The following BCL2L14 variants were observed in gnomAD, a reference collection of about 807,000 sequenced individuals.
BCL2L14 encodes BCL2 like 14.
In BCL2L14, 27 loss-of-function variants were observed where a neutral mutation model predicts 35.3. The observed-to-expected ratio is 0.76, with a 90% CI of 0.56 to 1.05. The LOEUF (loss-of-function observed/expected upper bound fraction) is 1.05, where lower values mean the gene tolerates loss of function less well. BCL2L14 is among the 50% of genes least tolerant of loss of function. The pLI, the probability that BCL2L14 is intolerant of heterozygous loss-of-function variation, is 0.00. For missense variants in BCL2L14, 377 were observed against 382.6 expected (o/e 0.99, Z 0.12); for synonymous variants, 139 against 145.9 (o/e 0.95, Z 0.34).
At chr12:12,076,838 T>C (rs574491074) in intron 1 of BCL2L14, among the ~76,000 whole-genome samples, 1 of 152,206 alleles carries the variant, frequency 6.6e-6, no homozygotes, top group African/African-American at 2.4e-5. Context: ...TCAGGGGAGA[T>C]ATTTCAGCTC....
chr12:12,073,508 A>T (rs1228701889), intron 1 of BCL2L14, among the ~76,000 whole-genome samples: 1 of 152,130 alleles, frequency 6.6e-6, no homozygotes, highest in Non-Finnish European at 1.5e-5. Flanking sequence ...AGCATTAGCA[A>T]GCTTGTTTCT....
At chr12:12,061,149 T>C (rs4763766) in intron 2 of BCL2L14, among the ~76,000 whole-genome samples, 125,084 of 127,402 alleles carry the variant, frequency 0.98, 61,470 homozygotes, top group East Asian at 1. Context: ...CTTATTAGAC[T>C]GAGACACTTT....
At chr12:12,071,497 G>A (rs1426613919) in intron 1 of BCL2L14, 2 of 152,150 alleles carry the variant, frequency 1.3e-5, no homozygotes, top group Admixed American at 1.3e-4. Flanking sequence ...CGTGGCCAGG[G>A]ACACCACTGC....
At chr12:12,065,325 C>G (rs1009470457) in intron 2 of BCL2L14, among the ~76,000 whole-genome samples, 2 of 152,076 alleles carry the variant, frequency 1.3e-5, no homozygotes, top group Non-Finnish European at 2.9e-5. Flanking sequence ...CACTTGAAGT[C>G]AGGAGTTTGA....
intron 2 of BCL2L14, among the ~76,000 whole-genome samples, chr12:12,083,046 C>G (rs1591825774): frequency 3.3e-5 from 5 of 152,134 alleles, no homozygotes; most frequent in South Asian, 2.1e-4. Flanking sequence ...CTCACTGCAA[C>G]CTCTGCCTCC....
intron 3 of BCL2L14, among the ~76,000 whole-genome samples, chr12:12,088,413 G>T (rs1051827404): frequency 3.3e-5 from 5 of 152,200 alleles, no homozygotes; most frequent in Admixed American, 6.5e-5. Flanking sequence ...GCGCCATGTT[G>T]TCTGCTCCCT....
intron 2 of BCL2L14, 61 bp downstream of exon 2, chr12:12,079,799 G>C: frequency 1.3e-6 from 2 of 1,518,184 alleles, no homozygotes; most frequent in Non-Finnish European, 1.8e-6. Context: ...TGTGTCCAGA[G>C]TGGTACATCT....
chr12:12,059,709 C>T (rs1948493108), intron 2 of BCL2L14, among the ~76,000 whole-genome samples: 1 of 152,082 alleles, frequency 6.6e-6, no homozygotes, highest in African/African-American at 2.4e-5. Context: ...TCTTCCTTAG[C>T]CTGTGTTCTT....
intron 2 of BCL2L14, among the ~76,000 whole-genome samples, chr12:12,059,124 C>T (rs1253229601): frequency 6.6e-6 from 1 of 152,202 alleles, no homozygotes; most frequent in Non-Finnish European, 1.5e-5. Context: ...GGAATGCAGC[C>T]TTCCCTTAGT....
chr12:12,096,781 G>A (rs980361504), intron 5 of BCL2L14, among the ~76,000 whole-genome samples: 1 of 152,188 alleles, frequency 6.6e-6, no homozygotes, highest in South Asian at 2.1e-4. Flanking sequence ...GTTGCTGGTT[G>A]GATTGTAAAA....
At chr12:12,058,122 T>G (rs73066074) in intron 2 of BCL2L14, among the ~76,000 whole-genome samples, 1 of 151,382 alleles carries the variant, frequency 6.6e-6, no homozygotes, top group Non-Finnish European at 1.5e-5. Flanking sequence ...CTAAATTTTT[T>G]TGTGTTTTTA....
At chr12:12,087,851 G>A (rs2287155) in intron 3 of BCL2L14, among the ~76,000 whole-genome samples, 13,370 of 152,238 alleles carry the variant, frequency 0.088, 823 homozygotes, top group Non-Finnish European at 0.12. Context: ...GAACTGAGAA[G>A]TAGTGACAAG....
chr12:12,082,804 C>G (rs1248130520), intron 2 of BCL2L14, among the ~76,000 whole-genome samples: 3 of 152,220 alleles, frequency 2.0e-5, no homozygotes, highest in Non-Finnish European at 4.4e-5. Context: ...CACCTTTCTC[C>G]TCACGCTTGC....
intron 2 of BCL2L14, among the ~76,000 whole-genome samples, chr12:12,063,321 T>C (rs572407300): frequency 6.6e-6 from 1 of 151,442 alleles, no homozygotes; most frequent in East Asian, 1.9e-4. Context: ...TGAATCTCCT[T>C]AGGCACTCTT....
intron 2 of BCL2L14, among the ~76,000 whole-genome samples, chr12:12,053,692 G>T (rs1328493277): frequency 6.6e-6 from 1 of 152,236 alleles, no homozygotes; most frequent in Non-Finnish European, 1.5e-5. Flanking sequence ...TGGGATTACA[G>T]GCGTGAGCCA....
chr12:12,098,575 C>T (rs1280116519), intron 5 of BCL2L14, among the ~76,000 whole-genome samples: 2 of 152,186 alleles, frequency 1.3e-5, no homozygotes, highest in African/African-American at 4.8e-5. Flanking sequence ...CTGTGGAGCA[C>T]CATTCACATA....
intron 1 of BCL2L14, among the ~76,000 whole-genome samples, chr12:12,078,284 G>A (rs1482194972): frequency 3.9e-5 from 6 of 152,266 alleles, no homozygotes; most frequent in East Asian, 1.9e-4. Context: ...GAGAGAAGCC[G>A]GGACAAGCTA....
chr12:12,064,885 C>T (rs947511290), intron 2 of BCL2L14, among the ~76,000 whole-genome samples: 15 of 152,230 alleles, frequency 9.9e-5, no homozygotes, highest in African/African-American at 2.9e-4. Flanking sequence ...AGGGCGTGAT[C>T]TCTGTACTAA....
intron 2 of BCL2L14, among the ~76,000 whole-genome samples, chr12:12,080,942 G>C (rs1948907675): frequency 6.6e-6 from 1 of 152,164 alleles, no homozygotes; most frequent in Admixed American, 6.6e-5. Flanking sequence ...CCAGCACTTT[G>C]GGAGGCCAAG....
Sources: gnomAD v4.1 joint callset for allele counts (sites outside exome capture counted in the v4.1 genomes callset) on GRCh38, gnomAD v4.1.1 for gene constraint, MANE v1.5 for transcripts, NCBI Gene and HGNC (gene_info 2026-07-23, HGNC 2026-07-21) for gene names.